Variants in PGM2L1 observed in about 807,000 individuals in gnomAD.
The protein encoded by PGM2L1 is glucose 1,6-bisphosphate synthase.
PGM2L1 carries 35 observed loss-of-function variants against 73.4 expected under a neutral mutation model. The observed-to-expected ratio is 0.48, with a 90% CI of 0.36 to 0.63. The LOEUF is 0.63. Ranked by LOEUF, PGM2L1 falls within the 30% of genes least tolerant of loss-of-function variation. The pLI is 0.00. For synonymous variants in PGM2L1, 225 were observed against 253.8 expected (o/e 0.89, Z 1.08); for missense variants, 570 against 742.0 (o/e 0.77, Z 2.69).
In PGM2L1 at chr11:74,334,632, A is replaced by G. The variant is rs894159871; in HGVS notation, c.*2020T>C. The stretch of plus-strand genomic sequence containing the variant: ...AATAGTGGCAATACAATAGTTGGAC[A>G]ATTAGGTTTGGATTATATGAGCTCA... On this transcript the variant is annotated 3_prime_UTR_variant, in exon 14 of 14. Coordinates refer to ENST00000298198, the MANE Select transcript of PGM2L1 (RefSeq NM_173582.6). 6.6e-6 allele frequency: 1 copy of G among 152,250 alleles called. No homozygotes were observed. Among genetic ancestry groups the G allele is most frequent in the African/African-American group, 2.4e-5 (1 of 41,468 alleles). 9.4% of individuals were successfully genotyped at this position (152,250 alleles called of 1,614,324 possible).
At chr11:74,353,688 G>A (rs76157486) in intron 5 of PGM2L1, among the ~76,000 whole-genome samples, 7 of 148,050 alleles carry the variant, frequency 4.7e-5, no homozygotes, top group Non-Finnish European at 9.0e-5. Context: ...CAAGGCAGAA[G>A]AATTTTTCTT....
intron 5 of PGM2L1, among the ~76,000 whole-genome samples, chr11:74,367,510 C>T (rs138241598): frequency 1.3e-5 from 2 of 152,302 alleles, no homozygotes; most frequent in Admixed American, 6.5e-5. Context: ...AGAAGACTCT[C>T]CTAACTCCAG....
intron 12 of PGM2L1, among the ~76,000 whole-genome samples, chr11:74,340,512 A>G (rs1862167235): frequency 6.6e-6 from 1 of 152,260 alleles, no homozygotes; most frequent in African/African-American, 2.4e-5. Flanking sequence ...TCTACACAAT[A>G]AACTACAGAT....
intron 5 of PGM2L1, among the ~76,000 whole-genome samples, chr11:74,355,989 T>A (rs886204762): frequency 2.6e-5 from 4 of 152,210 alleles, no homozygotes; most frequent in Admixed American, 1.3e-4. Context: ...TATGGATTTT[T>A]TTTTTTGCAC....
chr11:74,365,277 G>C (rs1001210136), intron 5 of PGM2L1, among the ~76,000 whole-genome samples: 10 of 152,078 alleles, frequency 6.6e-5, no homozygotes. Flanking sequence ...AGAAAACCTA[G>C]GCAATACCAT....
chr11:74,338,531 C>T lies in PGM2L1; in HGVS notation c.1703G>A (p.Arg568Gln), dbSNP rs1862132465. The change falls in exon 13 of 14, where the codon CGG becomes CAG. Residue 568 changes from arginine (R) to glutamine (Q), a missense_variant. Physicochemically the swap from Arg to Gln is conservative, Grantham distance 43. Coordinates refer to ENST00000298198, the MANE Select transcript of PGM2L1 (RefSeq NM_173582.6). The stretch of plus-strand genomic sequence containing the variant: ...TATCTTTGGTTCTGTTCCACTTGTC[C>T]GAAGGGTAGCAACACAGCCATTTTG... ...TFQNGCVATL[R>Q]TSGTEPKIKY... is the part of the protein sequence containing the mutation. The T allele has an allele frequency of 1.9e-6, 3 of 1,605,576 alleles. No individual in the cohort carries two copies. The highest frequency in any genetic ancestry group is 1.3e-5 in the African/African-American group (1 of 74,834).
chr11:74,373,071 G>A (rs1448911209), intron 2 of PGM2L1, among the ~76,000 whole-genome samples: 1 of 152,090 alleles, frequency 6.6e-6, no homozygotes, highest in Non-Finnish European at 1.5e-5. Context: ...CAACCTAATA[G>A]AGTGAAAAGG....
chr11:74,359,331 G>A (rs577125833), intron 5 of PGM2L1, among the ~76,000 whole-genome samples: 1 of 151,752 alleles, frequency 6.6e-6, no homozygotes, highest in Non-Finnish European at 1.5e-5. Context: ...AGGCTGGAGT[G>A]CAGTGGTGTG....
intron 5 of PGM2L1, chr11:74,355,659 A>G: frequency 2.0e-6 from 1 of 501,626 alleles, no homozygotes; most frequent in Non-Finnish European, 4.0e-6. Context: ...TTTACTAATT[A>G]TGAAACCAAG....
intron 5 of PGM2L1, among the ~76,000 whole-genome samples, chr11:74,360,527 G>A (rs1862543760): frequency 6.6e-6 from 1 of 152,058 alleles, no homozygotes; most frequent in African/African-American, 2.4e-5. Flanking sequence ...GAGGTACCGG[G>A]TTCATCTCAC....
intron 1 of PGM2L1, among the ~76,000 whole-genome samples, chr11:74,387,006 T>C (rs1344231479): frequency 6.6e-6 from 1 of 152,224 alleles, no homozygotes; most frequent in Non-Finnish European, 1.5e-5. Context: ...ATGGGAACTA[T>C]CATTTTCTGT....
chr11:74,350,258 A>G (rs1326906616), intron 6 of PGM2L1, among the ~76,000 whole-genome samples: 3 of 152,214 alleles, frequency 2.0e-5, no homozygotes, highest in Non-Finnish European at 4.4e-5. Context: ...AAAAGCTAAA[A>G]TTATTTTGTA....
intron 1 of PGM2L1, among the ~76,000 whole-genome samples, 182 bp from the exon 2 acceptor site, chr11:74,374,764 A>G (rs1156270941): frequency 1.3e-5 from 2 of 152,228 alleles, no homozygotes; most frequent in Admixed American, 1.3e-4. Flanking sequence ...CAAAGGAGAA[A>G]GGGCCTGTTG....
intron 1 of PGM2L1, among the ~76,000 whole-genome samples, chr11:74,388,112 T>C (rs902889688): frequency 2.0e-5 from 3 of 152,134 alleles, no homozygotes; most frequent in Non-Finnish European, 2.9e-5. Flanking sequence ...GTCAAATTCA[T>C]AGAATTAAAG....
At chr11:74,343,484 C>A in intron 9 of PGM2L1, 68 bp from the exon 10 acceptor site, 2 of 1,567,368 alleles carry the variant, frequency 1.3e-6, no homozygotes, top group Non-Finnish European at 1.7e-6. Context: ...GAAAAATCTG[C>A]CACTACATGC....
At chr11:74,386,628 AC>A (rs1422482971) in intron 1 of PGM2L1, among the ~76,000 whole-genome samples, 1 of 152,016 alleles carries the variant, frequency 6.6e-6, no homozygotes, top group African/African-American at 2.4e-5. Flanking sequence ...GGCACATGCC[AC>A]CATGCCCACC....
At chr11:74,395,597 G>A (rs111348750) in intron 1 of PGM2L1, among the ~76,000 whole-genome samples, 4,926 of 95,326 alleles carry the variant, frequency 0.052, 96 homozygotes, top group Middle Eastern at 0.2. Flanking sequence ...AGTAGGGACG[G>A]GGTTTCACTA....
rs149630323 is a variant in PGM2L1 at position 74,353,379 on chromosome 11, C to T, written c.556-1803G>A. 2.6e-3 allele frequency among the ~76,000 whole-genome samples: 391 copies of T among 150,158 alleles called. 10 individuals are homozygous for T. The highest frequency in any genetic ancestry group is 0.024 in the Admixed American group (368 of 15,078). ...TTATTGATCATTCTTGGGTGTTTCTCGGAGAGGGGGATTTGGCAGGGTCAT... is the reference window on the plus strand; with the variant it reads ...TTATTGATCATTCTTGGGTGTTTCTTGGAGAGGGGGATTTGGCAGGGTCAT... On this transcript the variant is annotated intron_variant, in intron 5 of 13. Coordinates refer to ENST00000298198, the MANE Select transcript of PGM2L1 (RefSeq NM_173582.6).
At chr11:74,389,981 T>TGGTGACGGGCGC (rs1479133701) in intron 1 of PGM2L1, among the ~76,000 whole-genome samples, 44 of 83,072 alleles carry the variant, frequency 5.3e-4, no homozygotes, top group African/African-American at 2.0e-3. Flanking sequence ...TAGCCAGGCG[T>TGGTGACGGGCGC]GGTGACGGGC....
Sources: allele counts gnomAD v4.1 joint callset (sites outside exome capture counted in the v4.1 genomes callset), GRCh38; gene constraint gnomAD v4.1.1; transcripts MANE v1.5; gene names NCBI Gene and HGNC (gene_info 2026-07-23, HGNC 2026-07-21).